The following IGFBP6 variants were observed in gnomAD, a reference collection of about 807,000 sequenced individuals.
IGFBP6 encodes insulin like growth factor binding protein 6.
In IGFBP6, 24 loss-of-function variants were observed where a neutral mutation model predicts 24.5. The ratio of observed to expected loss-of-function variants is 0.98; its 90% confidence interval spans 0.71 to 1.38. The LOEUF is 1.38. IGFBP6 is among the 40% of genes most tolerant of loss of function. The pLI is 0.00. For synonymous variants in IGFBP6, 147 were observed against 137.4 expected (o/e 1.07, Z -0.49); for missense variants, 331 against 324.8 (o/e 1.02, Z -0.15).
intron 1 of IGFBP6, 50 bp downstream of exon 1, chr12:53,098,101 C>T: frequency 7.2e-7 from 1 of 1,390,072 alleles, no homozygotes; most frequent in Non-Finnish European, 9.3e-7. Flanking sequence ...CCGCGTCCTC[C>T]AGGCAGGGTC....
chr12:53,101,240 C>T lies in IGFBP6; in HGVS notation c.600+80C>T, dbSNP rs1592273057. 3.5e-6 allele frequency: 5 copies of T among 1,444,326 alleles called. No individual in the cohort carries two copies. In the Middle Eastern group the frequency reaches 9.0e-4, roughly 259 times the overall value. The allele number at this position is 1,444,326 out of a possible 1,614,324, so 89.5% of individuals were successfully genotyped here. On this transcript the variant is annotated intron_variant, in intron 3 of 3. Coordinates refer to ENST00000301464, the MANE Select transcript of IGFBP6 (RefSeq NM_002178.3). ...GGGGGCGGTGCTGCTTACAAAGCTGCATAAATAAGACACTGCCCCATCTTT... is the reference window on the plus strand; with the variant it reads ...GGGGGCGGTGCTGCTTACAAAGCTGTATAAATAAGACACTGCCCCATCTTT...
intron 1 of IGFBP6, 88 bp from the exon 2 acceptor site, chr12:53,100,624 C>T: frequency 7.4e-7 from 1 of 1,348,706 alleles, no homozygotes; most frequent in Non-Finnish European, 1.0e-6. Context: ...GCCCTCCCTT[C>T]CTTACTTCAG....
Position 53,098,067 on chromosome 12 carries a change from G to C in IGFBP6, c.334+16G>C. ...GCGCCTGCTGGTGAGTCCGCGCCCC[G>C]CCCCTGCCCCGCCCACGTGAGACCC... On this transcript the variant is annotated intron_variant, in intron 1 of 3. Transcript: ENST00000301464. The C allele has an allele frequency of 1.4e-6, 2 of 1,410,800 alleles. No individual in the cohort carries two copies. The highest frequency in any genetic ancestry group is 1.8e-6 in the Non-Finnish European group (2 of 1,092,700). The allele number at this position is 1,410,800 out of a possible 1,614,324, so 87.4% of individuals were successfully genotyped here. A position where few individuals can be genotyped will look rare whatever the true frequency, so the allele number is the denominator to read the frequency against.
chr12:53,101,943 A>T, intron 3 of IGFBP6, 102 bp from the exon 4 acceptor site: 1 of 722,830 alleles, frequency 1.4e-6, no homozygotes, highest in Middle Eastern at 4.8e-4. Context: ...ACCCCCGAGG[A>T]GACGCTCAGG....
At position 53,102,244 on chromosome 12, in the gene IGFBP6, T is replaced by A; in HGVS notation, c.*77T>A. 1 of 1,542,938 alleles carries A rather than the reference T, an allele frequency of 6.5e-7. No homozygotes were observed. Among genetic ancestry groups the A allele is most frequent in the Admixed American group, 1.8e-5 (1 of 55,258 alleles). On this transcript the variant is annotated 3_prime_UTR_variant, in exon 4 of 4. Coordinates refer to ENST00000301464, the MANE Select transcript of IGFBP6 (RefSeq NM_002178.3). ...ATCACTCAACAAAAAACCGAGGCCC[T>A]CAATCCACCTTCAGGCCCCGCCCCA... is the stretch of plus-strand genomic sequence containing the variant.
At chr12:53,101,187 C>T (rs1937823267) in intron 3 of IGFBP6, 27 bp downstream of exon 3, 11 of 1,608,640 alleles carry the variant, frequency 6.8e-6, no homozygotes, top group Non-Finnish European at 9.4e-6. Context: ...TCTCCTCCTG[C>T]TCCAGCAGAA....
At chr12:53,099,945 GC>G (rs9658614) in intron 1 of IGFBP6, among the ~76,000 whole-genome samples, 1 of 151,122 alleles carries the variant, frequency 6.6e-6, no homozygotes, top group Non-Finnish European at 1.5e-5. Flanking sequence ...TGCAACCTCC[GC>G]CCCCCCGAGT....
chr12:53,098,309 A>C (rs1428215187), intron 1 of IGFBP6, among the ~76,000 whole-genome samples: 1 of 151,850 alleles, frequency 6.6e-6, no homozygotes, highest in Non-Finnish European at 1.5e-5. Flanking sequence ...CCCTTGATGG[A>C]GTGTGCGTGC....
chr12:53,098,152 C>A, intron 1 of IGFBP6, 101 bp downstream of exon 1: 1 of 1,304,154 alleles, frequency 7.7e-7, no homozygotes, highest in Non-Finnish European at 9.9e-7. Flanking sequence ...GCCTTTCCGC[C>A]CTGGCCCTTG....
chr12:53,100,960 G>A (rs1021860699), intron 2 of IGFBP6, 81 bp from the exon 3 acceptor site: 6 of 1,604,622 alleles, frequency 3.7e-6, no homozygotes, highest in Non-Finnish European at 5.1e-6. Flanking sequence ...GTCTGTCCTG[G>A]GTGCTTGCCT....
At position 53,097,679 on chromosome 12, in the gene IGFBP6, A is replaced by G. The variant is rs1241880416; in HGVS notation, c.-39A>G. On this transcript the variant is annotated 5_prime_UTR_variant, in exon 1 of 4. Coordinates refer to ENST00000301464, the MANE Select transcript of IGFBP6 (RefSeq NM_002178.3). ...GGCGGCGGGCAGCAGCTGCGCTGCG[A>G]CTGCTCTGGAAGGAGAGGACGGGGC... The G allele has an allele frequency of 6.6e-7, 1 of 1,523,556 alleles. No individual in the cohort carries two copies. The highest frequency in any genetic ancestry group is 2.6e-5 in the East Asian group (1 of 39,026). The allele number at this position is 1,523,556 out of a possible 1,614,324, so 94.4% of individuals were successfully genotyped here.
intron 1 of IGFBP6, among the ~76,000 whole-genome samples, chr12:53,099,951 C>G (rs1042316416): frequency 4.0e-5 from 6 of 151,840 alleles, no homozygotes; most frequent in Non-Finnish European, 5.9e-5. Flanking sequence ...CTCCGCCCCC[C>G]CGAGTTCAAG....
rs1326080112 is a variant in IGFBP6, at chr12:53,102,124, A to G, written c.680A>G (p.Asp227Gly). 12 of 1,613,808 alleles carry G rather than the reference A, an allele frequency of 7.4e-6. No homozygotes were observed. The highest frequency in any genetic ancestry group is 9.3e-6 in the Non-Finnish European group (11 of 1,179,968). ...RMGKSLPGSP[D>G]GNGSSSCPTG... is the part of the protein sequence containing the mutation. The stretch of plus-strand genomic sequence containing the variant: ...GGCAAGTCCCTGCCAGGGTCTCCAG[A>G]TGGCAATGGAAGCTCCTCCTGCCCC... Residue 227 changes from aspartate to glycine, a missense_variant, in exon 4 of 4, where the codon GAT (aspartate) becomes GGT (glycine). By Grantham distance (94) the Asp-to-Gly change is moderately conservative. Coordinates refer to ENST00000301464, the MANE Select transcript of IGFBP6 (RefSeq NM_002178.3).
chr12:53,098,523 T>A (rs1481066803), intron 1 of IGFBP6, among the ~76,000 whole-genome samples: 2 of 152,056 alleles, frequency 1.3e-5, no homozygotes, highest in Non-Finnish European at 2.9e-5. Flanking sequence ...ACTCCTTTCC[T>A]CCTAATACCG....
At chr12:53,099,578 C>G (rs565532574) in intron 1 of IGFBP6, among the ~76,000 whole-genome samples, 2 of 152,142 alleles carry the variant, frequency 1.3e-5, no homozygotes, top group East Asian at 3.8e-4. Flanking sequence ...CCTCCTACAT[C>G]CGTTGCTCTT....
chr12:53,097,868 G>T lies in IGFBP6; in HGVS notation c.151G>T (p.Gly51Trp), dbSNP rs1467563719. Reference protein sequence around the residue: ...PGGCVEEEDGGSPAEGCAEAE... With the variant: ...PGGCVEEEDGWSPAEGCAEAE... ...GGGCTGCGTGGAGGAGGAGGATGGG[G>T]GGTCGCCAGCCGAGGGCTGCGCGGA... is the stretch of plus-strand genomic sequence containing the variant. The change falls in exon 1 of 4, where the codon GGG (glycine) becomes TGG (tryptophan). Residue 51 changes from glycine (G) to tryptophan (W), a missense_variant. Gly to Trp is a radical substitution (Grantham distance 184). Coordinates refer to ENST00000301464, the MANE Select transcript of IGFBP6 (RefSeq NM_002178.3). The T allele has an allele frequency of 6.6e-7, 1 of 1,519,644 alleles. No individual in the cohort carries two copies. 94.1% of individuals were successfully genotyped at this position (1,519,644 alleles called of 1,614,324 possible).
Position 53,102,340 on chromosome 12 carries a change from C to T in IGFBP6, c.*173C>T, listed in dbSNP as rs1038481485. ...GTGTCAATAAAGCTGTGCTTGGGGT[C>T]GCTGGCTTGTGTCTCTGTGTCTGCC... On this transcript the variant is annotated 3_prime_UTR_variant, in exon 4 of 4. Coordinates refer to ENST00000301464, the MANE Select transcript of IGFBP6 (RefSeq NM_002178.3). 1.2e-5 allele frequency: 8 copies of T among 665,962 alleles called. No individual in the cohort carries two copies. Among genetic ancestry groups the T allele is most frequent in the South Asian group, 2.0e-5 (1 of 49,394 alleles). The allele number at this position is 665,962 out of a possible 1,614,324, so 41.3% of individuals were successfully genotyped here. A position where few individuals can be genotyped will look rare whatever the true frequency, so the allele number is the denominator to read the frequency against.
Position 53,097,731 on chromosome 12 carries a change from GGCTGCTGCCACCGCT to G in IGFBP6, c.23_37del (p.Pro8_Leu12del), listed in dbSNP as rs1424714349. 6.5e-7 allele frequency: 1 copy of G among 1,545,324 alleles called. No homozygotes were observed. The highest frequency in any genetic ancestry group is 8.7e-7 in the Non-Finnish European group (1 of 1,146,472). ...CAAACCCTGACCATGACCCCCCACA[GGCTGCTGCCACCGCT>G]GCTGCTGCTGCTAGCTCTGCTGCTC... On this transcript the variant is annotated inframe_deletion, in exon 1 of 4. Coordinates refer to ENST00000301464, the MANE Select transcript of IGFBP6 (RefSeq NM_002178.3).
intron 1 of IGFBP6, among the ~76,000 whole-genome samples, chr12:53,099,922 T>C (rs984858597): frequency 1.3e-5 from 2 of 151,306 alleles, no homozygotes; most frequent in Admixed American, 6.6e-5. Context: ...AGTACAGTGG[T>C]CCAGCGTCTC....
Sources: allele counts gnomAD v4.1 joint callset (sites outside exome capture counted in the v4.1 genomes callset), GRCh38; gene constraint gnomAD v4.1.1; transcripts MANE v1.5; gene names NCBI Gene and HGNC (gene_info 2026-07-23, HGNC 2026-07-21).